The following ENOSF1 variants were observed in gnomAD, a reference collection of about 807,000 sequenced individuals.
ENOSF1 encodes enolase superfamily member 1.
In ENOSF1, 73 loss-of-function variants were observed where a neutral mutation model predicts 68.2. That is an observed-to-expected ratio of 1.07 (90% CI 0.89 to 1.30). ENOSF1 has a LOEUF of 1.30. Among genes scored for constraint, ENOSF1 ranks in the 50% most tolerant of loss-of-function variants. The pLI is 0.00. For missense variants in ENOSF1, 589 were observed against 554.5 expected, an observed-to-expected ratio of 1.06 and a Z score of -0.62; for synonymous variants, 223 against 210.4, an observed-to-expected ratio of 1.06 and a Z score of -0.52.
At chr18:677,154 T>C (rs980952657) in intron 14 of ENOSF1, among the ~76,000 whole-genome samples, 191 bp downstream of exon 14, 2 of 152,184 alleles carry the variant, frequency 1.3e-5, no homozygotes, top group African/African-American at 4.8e-5. Flanking sequence ...TACCAGACCC[T>C]ATCTTAGGAG....
In ENOSF1 at chr18:674,280, G is replaced by GA. The variant is rs1417849369; in HGVS notation, c.*24dup. ...ATTTTAAGCCCTTTCACTTCAGAAAGAAAAAAGTTGTTGGGGCTGAGCACT... is the reference window on the plus strand; with the variant it reads ...ATTTTAAGCCCTTTCACTTCAGAAAGAAAAAAAGTTGTTGGGGCTGAGCACT... On this transcript the variant is annotated 3_prime_UTR_variant, in exon 16 of 16. Transcript: ENST00000647584. The GA allele has an allele frequency of 6.5e-7, 1 of 1,527,256 alleles. No individual in the cohort carries two copies. Among genetic ancestry groups the GA allele is most frequent in the Non-Finnish European group, 8.9e-7 (1 of 1,124,818 alleles). The allele number at this position is 1,527,256 out of a possible 1,614,324, so 94.6% of individuals were successfully genotyped here. A position where few individuals can be genotyped will look rare whatever the true frequency, so the allele number is the denominator to read the frequency against.
intron 1 of ENOSF1, among the ~76,000 whole-genome samples, chr18:711,806 C>A (rs573295700): frequency 2.4e-4 from 37 of 152,258 alleles, no homozygotes; most frequent in African/African-American, 7.5e-4. Context: ...GGTAATTTCA[C>A]GAGAGCGCCC....
chr18:709,253 T>G (rs2079255407), intron 1 of ENOSF1, among the ~76,000 whole-genome samples: 1 of 150,766 alleles, frequency 6.6e-6, no homozygotes. Context: ...TTCATGGGAG[T>G]GTGTAGGGAG....
intron 1 of ENOSF1, among the ~76,000 whole-genome samples, chr18:712,200 G>T (rs536503637): frequency 6.6e-6 from 1 of 152,284 alleles, no homozygotes; most frequent in African/African-American, 2.4e-5. Context: ...AAAGTTTCTG[G>T]ATACTTATAC....
Position 697,115 on chromosome 18 carries a change from T to A in ENOSF1, c.309+125A>T, listed in dbSNP as rs183096560. 28 of 770,260 alleles carry A rather than the reference T, an allele frequency of 3.6e-5. No individual in the cohort carries two copies. In the East Asian group the frequency reaches 7.5e-4, roughly 21 times the overall value. The allele number at this position is 770,260 out of a possible 1,614,324, so 47.7% of individuals were successfully genotyped here. ...GTGGGTGACAGAGTGAGACTCCATC[T>A]CAAAAAATAAATAAATAAACAAATA... On this transcript the variant is annotated intron_variant, in intron 3 of 15. Transcript: ENST00000647584.
At position 703,446 on chromosome 18, in the gene ENOSF1, G is replaced by T. The variant is rs182327818; in HGVS notation, c.193+3024C>A. 2.7e-4 allele frequency among the ~76,000 whole-genome samples: 41 copies of T among 152,302 alleles called. No individual in the cohort carries two copies. The South Asian group carries it at 5.4e-3, about 20-fold the overall frequency. Reference sequence around the variant, plus strand: ...CTTTGGGGGCTGTGCTGTAGGGTTTGCAGTATGGAGAAAGGCAGCGGCTTC... The same window carrying T: ...CTTTGGGGGCTGTGCTGTAGGGTTTTCAGTATGGAGAAAGGCAGCGGCTTC... On this transcript the variant is annotated intron_variant, in intron 2 of 15. Transcript: ENST00000647584.
At chr18:705,721 T>C (rs2078854417) in intron 2 of ENOSF1, among the ~76,000 whole-genome samples, 1 of 151,840 alleles carries the variant, frequency 6.6e-6, no homozygotes. Context: ...TGAAATATTT[T>C]GAAAAGGCCG....
downstream of ENOSF1, among the ~76,000 whole-genome samples, chr18:666,900 T>C (rs530034357): frequency 3.1e-4 from 12 of 38,850 alleles, 2 homozygotes; most frequent in African/African-American, 1.2e-3. Context: ...GAGATGGTGA[T>C]GGAGATGGTG....
the ENOSF1 span, among the ~76,000 whole-genome samples, chr18:664,100 C>T: frequency 6.7e-6 from 1 of 149,264 alleles, no homozygotes; most frequent in South Asian, 2.2e-4. Flanking sequence ...CTATAAATTA[C>T]CTTGGGCAGT....
intron 7 of ENOSF1, 117 bp from the exon 8 acceptor site, chr18:690,748 GCA>G (rs908496061): frequency 5.9e-6 from 9 of 1,512,630 alleles, no homozygotes; most frequent in East Asian, 2.5e-5. Flanking sequence ...ATCCGGCCCT[GCA>G]CACACACACC....
chr18:688,491 C>T, intron 9 of ENOSF1, 83 bp downstream of exon 9: 3 of 1,602,264 alleles, frequency 1.9e-6, no homozygotes, highest in Non-Finnish European at 2.6e-6. Context: ...GCCTTTTACT[C>T]CTTGGCTCCC....
chr18:693,933 G>C, intron 4 of ENOSF1, 25 bp from the exon 5 acceptor site: 1 of 1,613,580 alleles, frequency 6.2e-7, no homozygotes, highest in Non-Finnish European at 8.5e-7. Context: ...GAAAGGATTT[G>C]TAAGACATAT....
In ENOSF1 at chr18:706,490, A is replaced by G; in HGVS notation, c.173T>C (p.Leu58Pro). ...GIKGCGITFT[L>P]GKGTEVVVCA... Reference sequence around the variant, plus strand: ...CTCACCAACTTCAGTGCCTTTTCCCAGAGTGAAGGTAATTCCACACCCCTT... The same window carrying G: ...CTCACCAACTTCAGTGCCTTTTCCCGGAGTGAAGGTAATTCCACACCCCTT... Residue 58 changes from leucine (L) to proline (P), a missense_variant, in exon 2 of 16, where the codon CTG becomes CCG. Leu to Pro is a moderately conservative substitution (Grantham distance 98). Transcript: ENST00000647584. The G allele has an allele frequency of 6.2e-7, 1 of 1,613,534 alleles. No individual in the cohort carries two copies. Among genetic ancestry groups the G allele is most frequent in the Non-Finnish European group, 8.5e-7 (1 of 1,179,544 alleles).
chr18:691,394 G>A (rs1182535051), intron 5 of ENOSF1, 118 bp from the exon 6 acceptor site: 19 of 792,694 alleles, frequency 2.4e-5, no homozygotes, highest in Non-Finnish European at 3.4e-5. Flanking sequence ...TGCCCAGGCT[G>A]GAGTGCAGTG....
intron 4 of ENOSF1, 71 bp from the exon 5 acceptor site, chr18:693,979 G>A (rs111599106): frequency 3.5e-5 from 52 of 1,489,586 alleles, no homozygotes; most frequent in African/African-American, 2.5e-4. Context: ...CAGTAAACGC[G>A]TTGGCAGCTC....
Position 691,178 on chromosome 18 carries a change from G to C in ENOSF1, c.496+26C>G, listed in dbSNP as rs369594551. The C allele has an allele frequency of 1.4e-5, 23 of 1,613,544 alleles. No homozygotes were observed. The African/African-American group carries it at 3.1e-4, about 22-fold the overall frequency. On this transcript the variant is annotated intron_variant, in intron 6 of 15. Coordinates refer to ENST00000647584, the MANE Select transcript of ENOSF1 (RefSeq NM_017512.7). ...TGCCACTACTGTGTGTGCACGTCGT[G>C]TATCCCAGAAAGCTTCCAAACTCAC...
chr18:708,544 T>C (rs2079180351), intron 1 of ENOSF1, among the ~76,000 whole-genome samples: 1 of 152,060 alleles, frequency 6.6e-6, no homozygotes, highest in Non-Finnish European at 1.5e-5. Flanking sequence ...AAAAAAAACC[T>C]TAATAATATA....
At chr18:667,346 AGATGGTGATGGTGATGGAGATGGT>A (rs1567990410), downstream of ENOSF1, among the ~76,000 whole-genome samples, 7 of 8,608 alleles carry the variant, frequency 8.1e-4, no homozygotes, top group Admixed American at 1.4e-3. Context: ...ATGGTGATGG[AGATGGTGATGGTGATGGAGATGGT>A]GATGGTGATG....
chr18:684,485 T>C (rs967352060), intron 10 of ENOSF1, among the ~76,000 whole-genome samples: 1 of 152,080 alleles, frequency 6.6e-6, no homozygotes, highest in South Asian at 2.1e-4. Flanking sequence ...GGTGTGATCA[T>C]GCTGCTGTAC....
Sources: gnomAD v4.1 joint callset for allele counts (sites outside exome capture counted in the v4.1 genomes callset) on GRCh38, gnomAD v4.1.1 for gene constraint, MANE v1.5 for transcripts, NCBI Gene and HGNC (gene_info 2026-07-23, HGNC 2026-07-21) for gene names.